The following LPAR6 variants were observed in gnomAD, a reference collection of about 807,000 sequenced individuals.
The protein encoded by LPAR6 is lysophosphatidic acid receptor 6.
LPAR6 carries 17 observed loss-of-function variants against 22.0 expected under a neutral mutation model. The observed-to-expected ratio is 0.77, with a 90% CI of 0.53 to 1.16. The LOEUF (loss-of-function observed/expected upper bound fraction) is 1.16. LPAR6 is among the 50% of genes most tolerant of loss of function. The pLI, the probability that LPAR6 is intolerant of heterozygous loss-of-function variation, is 0.00. For missense variants in LPAR6, 384 were observed against 406.9 expected (o/e 0.94, Z 0.48); for synonymous variants, 136 against 139.8 (o/e 0.97, Z 0.19).
At chr13:48,422,925 G>A (rs1949027571) in intron 1 of LPAR6, 1 of 152,254 alleles carries the variant, frequency 6.6e-6, no homozygotes, top group African/African-American at 2.4e-5. Context: ...AGGATCACTT[G>A]AGACCAGGAT....
chr13:48,415,509 C>T (rs8000807), upstream of LPAR6, among the ~76,000 whole-genome samples: 961 of 152,164 alleles, frequency 6.3e-3, 12 homozygotes, highest in African/African-American at 0.022. Flanking sequence ...GAACTCCTGA[C>T]CTCAAGTCAT....
At chr13:48,410,274 G>A (rs552095185), downstream of LPAR6, among the ~76,000 whole-genome samples, 3 of 152,316 alleles carry the variant, frequency 2.0e-5, no homozygotes, top group Middle Eastern at 6.8e-3. Context: ...TCTGTGTTGA[G>A]ATGTATTTAG....
At chr13:48,407,561 A>G (rs1462295974), downstream of LPAR6, among the ~76,000 whole-genome samples, 3 of 152,232 alleles carry the variant, frequency 2.0e-5, no homozygotes, top group Non-Finnish European at 2.9e-5. Context: ...TAGAGATTTT[A>G]GGAGTTATGT....
chr13:48,423,190 C>A (rs1949031475), intron 1 of LPAR6, among the ~76,000 whole-genome samples: 1 of 152,066 alleles, frequency 6.6e-6, no homozygotes, highest in African/African-American at 2.4e-5. Flanking sequence ...TGTAATGCAT[C>A]GGTTTTTAAA....
chr13:48,437,196 C>T (rs1949192706), intron 1 of LPAR6, among the ~76,000 whole-genome samples: 1 of 152,126 alleles, frequency 6.6e-6, no homozygotes, highest in South Asian at 2.1e-4. Flanking sequence ...AGTAGCAAAA[C>T]AGAGTGAAGC....
downstream of LPAR6, among the ~76,000 whole-genome samples, chr13:48,408,100 CTATTTTA>C (rs1330377207): frequency 1.3e-5 from 2 of 152,002 alleles, no homozygotes; most frequent in Admixed American, 1.3e-4. Context: ...GCTCCATTTT[CTATTTTA>C]TATTTCTCAA....
chr13:48,397,629 A>C (rs1356958294), intron 1 of LPAR6, among the ~76,000 whole-genome samples: 1 of 152,178 alleles, frequency 6.6e-6, no homozygotes, highest in East Asian at 1.9e-4. Flanking sequence ...GTATCCTAGA[A>C]CTTAAAGTAT....
intron 1 of LPAR6, among the ~76,000 whole-genome samples, chr13:48,403,873 C>T (rs1212656014): frequency 6.6e-6 from 1 of 152,096 alleles, no homozygotes; most frequent in Non-Finnish European, 1.5e-5. Flanking sequence ...AAAAAATGCA[C>T]CTCTGTAGTC....
intron 1 of LPAR6, among the ~76,000 whole-genome samples, chr13:48,398,842 A>G (rs1051872635): frequency 1.3e-5 from 2 of 152,074 alleles, no homozygotes; most frequent in Non-Finnish European, 2.9e-5. Flanking sequence ...ATGTATGTGT[A>G]TTTTTTATCC....
chr13:48,403,502 A>C (rs198610), intron 1 of LPAR6, among the ~76,000 whole-genome samples: 118,966 of 152,048 alleles, frequency 0.78, 52,247 homozygotes, highest in Non-Finnish European at 0.97. Flanking sequence ...CACAGCACAC[A>C]ACACCCCCAG....
chr13:48,423,152 A>G (rs1166339961), intron 1 of LPAR6, among the ~76,000 whole-genome samples: 3 of 152,218 alleles, frequency 2.0e-5, no homozygotes, highest in Non-Finnish European at 4.4e-5. Context: ...AAATAAATAA[A>G]AAGAATGAAA....
intron 1 of LPAR6, among the ~76,000 whole-genome samples, chr13:48,405,777 C>T (rs198606): frequency 0.78 from 119,086 of 152,188 alleles, 52,303 homozygotes; most frequent in Non-Finnish European, 0.97. Flanking sequence ...CCTTCTATCC[C>T]ATTTCCAACC....
At chr13:48,393,989 C>A (rs1283248616) in intron 1 of LPAR6, among the ~76,000 whole-genome samples, 1 of 152,102 alleles carries the variant, frequency 6.6e-6, no homozygotes, top group Admixed American at 6.5e-5. Context: ...CAGCTCTGGT[C>A]TGCAGCTGCC....
chr13:48,412,562 T>C lies in LPAR6; in HGVS notation c.-139A>G, dbSNP rs1948835120. 1 of 682,836 alleles carries C rather than the reference T, an allele frequency of 1.5e-6. No homozygotes were observed. 42.3% of individuals were successfully genotyped at this position (682,836 alleles called of 1,614,324 possible). ...TTTGGATGGTTTTATAAATATTTCCTTTTTCTCAGAAATACCCAAAAGAAA... is the reference window on the plus strand; with the variant it reads ...TTTGGATGGTTTTATAAATATTTCCCTTTTCTCAGAAATACCCAAAAGAAA... On this transcript the variant is annotated 5_prime_UTR_variant, in exon 1 of 1. Coordinates refer to ENST00000620633, the MANE Select transcript of LPAR6 (RefSeq NM_001162498.3).
chr13:48,389,600 A>T (rs912349594), exon 2 of LPAR6: 3 of 152,148 alleles, frequency 2.0e-5, no homozygotes, highest in African/African-American at 7.2e-5. Context: ...TATTTTGCTT[A>T]TGATTTTTTG....
Position 48,412,283 on chromosome 13 carries a change from T to C in LPAR6, c.141A>G (p.Lys47=), listed in dbSNP as rs1192316093. Residue 47 remains lysine (K), a synonymous_variant, in exon 1 of 1, where the codon AAA becomes AAG. Transcript: ENST00000620633. ...TGTAAGTTGTAGTTTCATTTCGGAC[T>C]TTGAGGACGCAGATGAAAATGTATA... ...VAIYIFICVL[K]VRNETTTYMI... 1 of 1,613,984 alleles carries C rather than the reference T, an allele frequency of 6.2e-7. No individual in the cohort carries two copies. Among genetic ancestry groups the C allele is most frequent in the Non-Finnish European group, 8.5e-7 (1 of 1,179,894 alleles).
At chr13:48,442,232 G>T (rs1949244815) in intron 1 of LPAR6, among the ~76,000 whole-genome samples, 2 of 148,288 alleles carry the variant, frequency 1.3e-5, no homozygotes, top group Non-Finnish European at 3.0e-5. Context: ...ATGGAGTCTT[G>T]CTCTGTTGCC....
chr13:48,423,677 CA>C (rs1949040441), intron 1 of LPAR6, among the ~76,000 whole-genome samples: 1 of 151,208 alleles, frequency 6.6e-6, no homozygotes, highest in Non-Finnish European at 1.5e-5. Context: ...AGGGGATATG[CA>C]AAAAGAAAAA....
At chr13:48,410,711 A>G (rs1000954526), downstream of LPAR6, among the ~76,000 whole-genome samples, 1 of 152,128 alleles carries the variant, frequency 6.6e-6, no homozygotes, top group Non-Finnish European at 1.5e-5. Flanking sequence ...AATTGGGTGC[A>G]TTATATACAG....
Sources: gnomAD v4.1 joint callset for allele counts (sites outside exome capture counted in the v4.1 genomes callset) on GRCh38, gnomAD v4.1.1 for gene constraint, MANE v1.5 for transcripts, NCBI Gene and HGNC (gene_info 2026-07-23, HGNC 2026-07-21) for gene names.